GTF2E2: variants seen among roughly 807,000 people sequenced by gnomAD.
GTF2E2 encodes the protein general transcription factor IIE subunit 2.
GTF2E2 carries 21 observed loss-of-function variants against 40.5 expected under a neutral mutation model. The observed-to-expected ratio is 0.52, with a 90% confidence interval of 0.37 to 0.75. The LOEUF (loss-of-function observed/expected upper bound fraction) is 0.75, where lower values mean the gene tolerates loss of function less well. Ranked by LOEUF, GTF2E2 falls within the 30% of genes least tolerant of loss-of-function variation. GTF2E2 has a pLI of 0.00. For synonymous variants in GTF2E2, 117 were observed against 121.6 expected, an observed-to-expected ratio of 0.96 and a Z score of 0.25; for missense variants, 298 against 338.4, an observed-to-expected ratio of 0.88 and a Z score of 0.94.
chr8:30,617,670 C>T (rs2151132754), intron 3 of GTF2E2, among the ~76,000 whole-genome samples: 1 of 151,958 alleles, frequency 6.6e-6, no homozygotes, highest in East Asian at 1.9e-4. Context: ...CTGCTTGAGC[C>T]CAGGAGGCAG....
chr8:30,590,761 G>C (rs1233967668), intron 6 of GTF2E2, among the ~76,000 whole-genome samples: 1 of 151,690 alleles, frequency 6.6e-6, no homozygotes, highest in Admixed American at 6.6e-5. Flanking sequence ...CGCAATCTCA[G>C]CTCACTACAA....
intron 6 of GTF2E2, among the ~76,000 whole-genome samples, chr8:30,592,277 G>A (rs951936799): frequency 2.0e-5 from 3 of 152,300 alleles, no homozygotes; most frequent in Middle Eastern, 3.4e-3. Context: ...TACTGGGGAG[G>A]CTGAGATAGG....
At chr8:30,618,245 C>T (rs1800981783) in intron 3 of GTF2E2, among the ~76,000 whole-genome samples, 2 of 107,780 alleles carry the variant, frequency 1.9e-5, no homozygotes, top group African/African-American at 3.8e-5. Flanking sequence ...TGCGGTGAGC[C>T]GAGGTTGCAC....
intron 1 of GTF2E2, among the ~76,000 whole-genome samples, chr8:30,654,720 T>C (rs879417607): frequency 6.6e-6 from 1 of 152,184 alleles, no homozygotes; most frequent in Non-Finnish European, 1.5e-5. Context: ...TATTTTTAAT[T>C]ACACGTGTGG....
At chr8:30,591,921 AT>A (rs879562381) in intron 6 of GTF2E2, among the ~76,000 whole-genome samples, 30 of 148,886 alleles carry the variant, frequency 2.0e-4, no homozygotes, top group East Asian at 5.9e-4. Flanking sequence ...ATACAATAGA[AT>A]TTTTTTTTTT....
intron 6 of GTF2E2, 139 bp from the exon 7 acceptor site, chr8:30,580,535 A>G: frequency 9.6e-6 from 6 of 624,806 alleles, no homozygotes; most frequent in Non-Finnish European, 1.7e-5. Context: ...AAGTCAGGGC[A>G]GAACATCCAC....
Position 30,635,180 on chromosome 8 carries a change from C to T in GTF2E2, c.167-57G>A, listed in dbSNP as rs189405313. ...ATTATGTGTGATTATGACTCTTGAG[C>T]AGCTAAAATAATTTTAATGCTGGTA... is the stretch of plus-strand genomic sequence containing the variant. On this transcript the variant is annotated intron_variant, in intron 2 of 7. Coordinates refer to ENST00000355904, the MANE Select transcript of GTF2E2 (RefSeq NM_002095.6). The T allele has an allele frequency of 8.8e-4, 830 of 941,570 alleles. 1 individual carries two copies. In the African/African-American group the frequency reaches 0.012, roughly 14 times the overall value. The allele number at this position is 941,570 out of a possible 1,614,324, so 58.3% of individuals were successfully genotyped here.
intron 6 of GTF2E2, among the ~76,000 whole-genome samples, chr8:30,590,519 C>T (rs1220147968): frequency 6.6e-6 from 1 of 151,990 alleles, no homozygotes; most frequent in Non-Finnish European, 1.5e-5. Context: ...GACACTGGAC[C>T]CACGTCTCAC....
At position 30,636,897 on chromosome 8, in the gene GTF2E2, C is replaced by T. The variant is rs747357365; in HGVS notation, c.167-1774G>A. ...AAAGAATGCCTTATAGGTGCTTTTCCATTCACTGTTTCAATTATGAAATAT... is the reference window on the plus strand; with the variant it reads ...AAAGAATGCCTTATAGGTGCTTTTCTATTCACTGTTTCAATTATGAAATAT... On this transcript the variant is annotated intron_variant, in intron 2 of 7. Coordinates refer to ENST00000355904, the MANE Select transcript of GTF2E2 (RefSeq NM_002095.6). 52 of 403,338 alleles carry T rather than the reference C, an allele frequency of 1.3e-4. 2 individuals carry two copies. Among genetic ancestry groups the T allele is most frequent in the South Asian group, 9.4e-4 (52 of 55,298 alleles). 25.0% of individuals were successfully genotyped at this position (403,338 alleles called of 1,614,324 possible).
chr8:30,637,185 G>A, intron 2 of GTF2E2: 1 of 454,790 alleles, frequency 2.2e-6, no homozygotes, highest in South Asian at 1.6e-5. Context: ...TTTTGTCAAA[G>A]TACAGAAATC....
At chr8:30,579,726 G>A (rs566542994) in intron 7 of GTF2E2, among the ~76,000 whole-genome samples, 5 of 152,278 alleles carry the variant, frequency 3.3e-5, no homozygotes, top group Admixed American at 6.5e-5. Flanking sequence ...TCATCCCCCC[G>A]GGCTTTGTTC....
intron 1 of GTF2E2, among the ~76,000 whole-genome samples, chr8:30,656,393 A>G (rs2128732114): frequency 6.6e-6 from 1 of 152,350 alleles, no homozygotes; most frequent in African/African-American, 2.4e-5. Context: ...AGAAGAAGAA[A>G]GGAGAATTGT....
intron 2 of GTF2E2, among the ~76,000 whole-genome samples, chr8:30,637,982 C>T (rs1416996733): frequency 6.6e-6 from 1 of 152,158 alleles, no homozygotes; most frequent in African/African-American, 2.4e-5. Context: ...AAAGAGCCAA[C>T]CTGGAGATCA....
At chr8:30,651,582 C>T (rs893331528) in intron 2 of GTF2E2, among the ~76,000 whole-genome samples, 1 of 152,122 alleles carries the variant, frequency 6.6e-6, no homozygotes, top group Non-Finnish European at 1.5e-5. Flanking sequence ...GAGCAAGATC[C>T]TGTCTCTACA....
At chr8:30,622,806 A>C (rs1329558136) in intron 3 of GTF2E2, among the ~76,000 whole-genome samples, 3 of 152,074 alleles carry the variant, frequency 2.0e-5, no homozygotes, top group Non-Finnish European at 2.9e-5. Flanking sequence ...AAAGAAAAGA[A>C]ATATGGCTCT....
chr8:30,620,663 G>A (rs976257974), intron 3 of GTF2E2, among the ~76,000 whole-genome samples: 2 of 151,596 alleles, frequency 1.3e-5, no homozygotes, highest in African/African-American at 2.4e-5. Context: ...GGTGGCTCAC[G>A]TCTGCAATCC....
intron 2 of GTF2E2, among the ~76,000 whole-genome samples, chr8:30,651,694 T>C (rs1586012047): frequency 6.6e-6 from 1 of 152,232 alleles, no homozygotes; most frequent in East Asian, 1.9e-4. Flanking sequence ...TCAATCCCTA[T>C]GGAAATCCCA....
At chr8:30,583,836 C>T (rs1019440497) in intron 6 of GTF2E2, among the ~76,000 whole-genome samples, 1 of 151,756 alleles carries the variant, frequency 6.6e-6, no homozygotes, top group Non-Finnish European at 1.5e-5. Context: ...GATGGAGTCT[C>T]GCACTGTCAC....
At chr8:30,594,004 C>T (rs377202423) in intron 6 of GTF2E2, among the ~76,000 whole-genome samples, 1 of 152,012 alleles carries the variant, frequency 6.6e-6, no homozygotes, top group African/African-American at 2.4e-5. Context: ...AATCTTGGCT[C>T]ACTGCAGCCT....
Sources: allele counts gnomAD v4.1 joint callset (sites outside exome capture counted in the v4.1 genomes callset), GRCh38; gene constraint gnomAD v4.1.1; transcripts MANE v1.5; gene names NCBI Gene and HGNC (gene_info 2026-07-23, HGNC 2026-07-21).